Variants in SUGCT observed in about 807,000 individuals in gnomAD.
SUGCT encodes succinyl-CoA:glutarate-CoA transferase.
In SUGCT, 41 loss-of-function variants were observed where a neutral mutation model predicts 55.0. That is an observed-to-expected ratio of 0.74 (90% CI 0.58 to 0.97). The LOEUF is 0.97. Among genes scored for constraint, SUGCT ranks in the 50% least tolerant of loss-of-function variants. The pLI is 0.00. For synonymous variants in SUGCT, 187 were observed against 200.4 expected (o/e 0.93, Z 0.56); for missense variants, 568 against 547.8 (o/e 1.04, Z -0.37).
At chr7:40,259,235 A>G (rs1791053213) in intron 7 of SUGCT, among the ~76,000 whole-genome samples, 1 of 152,208 alleles carries the variant, frequency 6.6e-6, no homozygotes, top group Admixed American at 6.5e-5. Context: ...CAAGAGATCT[A>G]TTGTACAACA....
At chr7:40,679,223 T>C (rs1343371015) in intron 12 of SUGCT, among the ~76,000 whole-genome samples, 1 of 152,188 alleles carries the variant, frequency 6.6e-6, no homozygotes, top group Non-Finnish European at 1.5e-5. Flanking sequence ...CTAATATCCA[T>C]TATGCTGAAG....
chr7:40,945,985 A>C, the SUGCT span, among the ~76,000 whole-genome samples: 2 of 152,298 alleles, frequency 1.3e-5, no homozygotes, highest in East Asian at 3.9e-4. Context: ...CTTGGTTAGA[A>C]ATAGCTGTAG....
chr7:40,346,308 A>C (rs1797302030), intron 9 of SUGCT, among the ~76,000 whole-genome samples: 1 of 152,080 alleles, frequency 6.6e-6, no homozygotes. Context: ...GAATGTATTT[A>C]ATCTATGTAT....
At chr7:40,888,596 A>G in the SUGCT span, among the ~76,000 whole-genome samples, 11 of 152,240 alleles carry the variant, frequency 7.2e-5, no homozygotes, top group Admixed American at 5.2e-4. Flanking sequence ...AGGCACATTC[A>G]TAGGTTTAAA....
chr7:40,833,104 T>G (rs1792783505), intron 13 of SUGCT, among the ~76,000 whole-genome samples: 1 of 152,130 alleles, frequency 6.6e-6, no homozygotes, highest in African/African-American at 2.4e-5. Flanking sequence ...CATTTTTTCT[T>G]GGTTGTCCCA....
chr7:40,248,569 A>G (rs1790071041), intron 7 of SUGCT, among the ~76,000 whole-genome samples: 1 of 150,504 alleles, frequency 6.6e-6, no homozygotes. Flanking sequence ...TATTATTGTT[A>G]TTATTATTAT....
intron 12 of SUGCT, among the ~76,000 whole-genome samples, chr7:40,505,499 A>C (rs756346895): frequency 2.8e-4 from 43 of 152,042 alleles, no homozygotes; most frequent in Non-Finnish European, 5.6e-4. Context: ...TAATTCCCTT[A>C]AGAATTTTTA....
chr7:40,668,689 C>G (rs1801774431), intron 12 of SUGCT, among the ~76,000 whole-genome samples: 3 of 152,084 alleles, frequency 2.0e-5, no homozygotes, highest in Admixed American at 2.0e-4. Context: ...CTTATATATT[C>G]CAGAGTTAGA....
chr7:40,377,194 CTTTCTTTTCTT>C (rs1784617767), intron 9 of SUGCT, among the ~76,000 whole-genome samples: 1 of 7,566 alleles, frequency 1.3e-4, no homozygotes, highest in Non-Finnish European at 1.5e-3. Context: ...TTCTTTCTTT[CTTTCTTTTCTT>C]TTCTTTTCTT....
At position 40,239,038 on chromosome 7, in the gene SUGCT, C is replaced by T. The variant is rs530905777; in HGVS notation, c.576+1312C>T. ...GTTTCACCGTCTTGACCAGGCTGGT[C>T]TTGAACTCCTTACTTTGTGATCCAA... On this transcript the variant is annotated intron_variant, in intron 7 of 13. Coordinates refer to ENST00000335693, the MANE Select transcript of SUGCT (RefSeq NM_001193313.2). 7.9e-5 allele frequency among the ~76,000 whole-genome samples: 12 copies of T among 152,222 alleles called. 1 individual carries two copies. The South Asian group carries it at 2.1e-3, about 26-fold the overall frequency.
At chr7:40,984,927 G>A in the SUGCT span, among the ~76,000 whole-genome samples, 1 of 152,164 alleles carries the variant, frequency 6.6e-6, no homozygotes, top group Non-Finnish European at 1.5e-5. Context: ...AATTTCTGCT[G>A]TCTGTTTGGT....
chr7:40,648,453 C>G (rs961098515), intron 12 of SUGCT, among the ~76,000 whole-genome samples: 1 of 152,164 alleles, frequency 6.6e-6, no homozygotes, highest in Non-Finnish European at 1.5e-5. Flanking sequence ...CTTTTGAACA[C>G]AGTACGTAGT....
chr7:40,941,197 CT>C, the SUGCT span, among the ~76,000 whole-genome samples: 5 of 151,974 alleles, frequency 3.3e-5, no homozygotes, highest in Non-Finnish European at 7.4e-5. Context: ...ACCTTTCAGA[CT>C]TTTTGAATTA....
intron 12 of SUGCT, among the ~76,000 whole-genome samples, chr7:40,710,112 A>G (rs1266864420): frequency 6.6e-6 from 1 of 152,212 alleles, no homozygotes; most frequent in Non-Finnish European, 1.5e-5. Context: ...TAACTTCCTA[A>G]AAAAGAATTC....
Position 40,180,995 on chromosome 7 carries a change from C to G in SUGCT, c.149C>G (p.Thr50Arg), listed in dbSNP as rs1486822048. ...PLEGVKILDL[T>R]RVLAGPFATM... is the part of the protein sequence containing the mutation. Reference sequence around the variant, plus strand: ...GAAGGGGTAAAAATTCTGGATCTAACAAGGTTTGTATTGGTTTATCTACAT... The same window carrying G: ...GAAGGGGTAAAAATTCTGGATCTAAGAAGGTTTGTATTGGTTTATCTACAT... The change falls in exon 2 of 14, where the codon ACA becomes AGA. Residue 50 changes from threonine to arginine, a missense_variant. By Grantham distance (71) the Thr-to-Arg change is moderately conservative (BLOSUM62 -1). Coordinates refer to ENST00000335693, the MANE Select transcript of SUGCT (RefSeq NM_001193313.2). 1 of 1,607,264 alleles carries G rather than the reference C, an allele frequency of 6.2e-7. No individual in the cohort carries two copies. Among genetic ancestry groups the G allele is most frequent in the Non-Finnish European group, 8.5e-7 (1 of 1,174,352 alleles).
intron 12 of SUGCT, among the ~76,000 whole-genome samples, chr7:40,532,787 T>C (rs1228088047): frequency 6.6e-6 from 1 of 152,198 alleles, no homozygotes; most frequent in Non-Finnish European, 1.5e-5. Flanking sequence ...GTATCAACAC[T>C]ATGTTCCACA....
Position 40,421,277 on chromosome 7 carries a change from T to G in SUGCT, c.817-28010T>G, listed in dbSNP as rs540261633. On this transcript the variant is annotated intron_variant, in intron 9 of 13. Coordinates refer to ENST00000335693, the MANE Select transcript of SUGCT (RefSeq NM_001193313.2). ...CTTCTACTTTCCACTTTTACTCATC[T>G]AGTTTTCCAAGTCTCCATGTTGTTG... 2.6e-5 allele frequency among the ~76,000 whole-genome samples: 4 copies of G among 152,282 alleles called. No individual in the cohort carries two copies. In the South Asian group the frequency reaches 6.2e-4, roughly 24 times the overall value.
intron 8 of SUGCT, among the ~76,000 whole-genome samples, chr7:40,295,221 A>G (rs1287821762): frequency 6.6e-6 from 1 of 152,082 alleles, no homozygotes; most frequent in East Asian, 1.9e-4. Context: ...TTGCATTTCC[A>G]CTGCTTAGTG....
chr7:40,579,541 C>A (rs139079339), intron 12 of SUGCT, among the ~76,000 whole-genome samples: 14 of 152,258 alleles, frequency 9.2e-5, no homozygotes, highest in African/African-American at 2.9e-4. Flanking sequence ...TTCAGCCAGA[C>A]AGACACATGA....
Sources: gnomAD v4.1 joint callset for allele counts (sites outside exome capture counted in the v4.1 genomes callset) on GRCh38, gnomAD v4.1.1 for gene constraint, MANE v1.5 for transcripts, NCBI Gene and HGNC (gene_info 2026-07-23, HGNC 2026-07-21) for gene names.